GPR176: variants seen among roughly 807,000 people sequenced by gnomAD.
The protein encoded by GPR176 is G-protein coupled receptor 176.
GPR176 carries 26 observed loss-of-function variants against 35.4 expected under a neutral mutation model. The observed-to-expected ratio is 0.74, with a 90% CI of 0.54 to 1.02. The LOEUF (loss-of-function observed/expected upper bound fraction) is 1.02. Ranked by LOEUF, GPR176 falls within the 50% of genes least tolerant of loss-of-function variation. GPR176 has a pLI of 0.00. For synonymous variants in GPR176, 278 were observed against 271.3 expected (o/e 1.02, Z -0.24); for missense variants, 597 against 665.3 (o/e 0.90, Z 1.13).
chr15:39,810,810 A>G (rs577585534), intron 1 of GPR176, among the ~76,000 whole-genome samples: 1 of 152,246 alleles, frequency 6.6e-6, no homozygotes, highest in African/African-American at 2.4e-5. Context: ...AAAGCCTACA[A>G]AGGAACTTTT....
At chr15:39,898,969 G>A (rs778225805) in intron 1 of GPR176, among the ~76,000 whole-genome samples, 1 of 152,076 alleles carries the variant, frequency 6.6e-6, no homozygotes, top group Admixed American at 6.5e-5. Context: ...ATAAGAACTT[G>A]AGAGCACTAC....
At chr15:39,818,639 C>A (rs1249576831) in intron 1 of GPR176, among the ~76,000 whole-genome samples, 2 of 152,166 alleles carry the variant, frequency 1.3e-5, no homozygotes, top group African/African-American at 2.4e-5. Flanking sequence ...AATGGTATCC[C>A]AAAGGGTAAG....
At chr15:39,861,914 T>A (rs2031608795) in intron 1 of GPR176, among the ~76,000 whole-genome samples, 1 of 152,212 alleles carries the variant, frequency 6.6e-6, no homozygotes, top group South Asian at 2.1e-4. Flanking sequence ...CCTGTGCCTT[T>A]TAACAAGATG....
chr15:39,844,768 C>T (rs1380726180), intron 1 of GPR176, among the ~76,000 whole-genome samples: 3 of 152,052 alleles, frequency 2.0e-5, no homozygotes, highest in Non-Finnish European at 1.5e-5. Flanking sequence ...CAACACTGAT[C>T]GTGAACCACT....
chr15:39,851,078 T>G (rs1465142063), intron 1 of GPR176, among the ~76,000 whole-genome samples: 1 of 152,178 alleles, frequency 6.6e-6, no homozygotes, highest in African/African-American at 2.4e-5. Context: ...GTTTCTTACT[T>G]GAACAACTGT....
intron 2 of GPR176, among the ~76,000 whole-genome samples, chr15:39,803,925 T>C (rs1316209349): frequency 6.6e-6 from 1 of 152,158 alleles, no homozygotes; most frequent in African/African-American, 2.4e-5. Context: ...TAAGATATGT[T>C]CTAGATTTCT....
chr15:39,884,185 T>A (rs1442754199), intron 1 of GPR176, among the ~76,000 whole-genome samples: 1 of 152,350 alleles, frequency 6.6e-6, no homozygotes, highest in East Asian at 1.9e-4. Context: ...CTCTGACTTT[T>A]GACATAATAC....
chr15:39,871,915 A>G (rs2032056960), intron 1 of GPR176, among the ~76,000 whole-genome samples: 1 of 152,238 alleles, frequency 6.6e-6, no homozygotes, highest in South Asian at 2.1e-4. Flanking sequence ...GTGACCTAAA[A>G]GCTAAAATGG....
chr15:39,905,037 C>G (rs2033381870), intron 1 of GPR176, among the ~76,000 whole-genome samples: 1 of 152,206 alleles, frequency 6.6e-6, no homozygotes, highest in South Asian at 2.1e-4. Flanking sequence ...CTACAACCAC[C>G]AACCCCAGCC....
chr15:39,878,096 CTG>C (rs58251937), intron 1 of GPR176, among the ~76,000 whole-genome samples: 3,259 of 129,966 alleles, frequency 0.025, 69 homozygotes, highest in East Asian at 0.046. Flanking sequence ...CCATAGTTAC[CTG>C]TGTGTGTGTG....
chr15:39,891,235 T>G (rs952957291), intron 1 of GPR176, among the ~76,000 whole-genome samples: 1 of 152,182 alleles, frequency 6.6e-6, no homozygotes, highest in Non-Finnish European at 1.5e-5. Flanking sequence ...ACAAACCTGT[T>G]TAAAAATAAA....
chr15:39,847,742 CAAAAA>C (rs34896644), intron 1 of GPR176, among the ~76,000 whole-genome samples: 3 of 68,830 alleles, frequency 4.4e-5, no homozygotes, highest in African/African-American at 1.8e-4. Context: ...GACTCTGTCT[CAAAAA>C]AAAAAAAAAA....
intron 1 of GPR176, among the ~76,000 whole-genome samples, chr15:39,828,387 G>A (rs940176165): frequency 2.6e-5 from 4 of 152,226 alleles, no homozygotes; most frequent in Admixed American, 1.3e-4. Context: ...AAGACACTGC[G>A]TGGAGGGGCT....
rs142981634 is a variant in GPR176, at chr15:39,899,140, C to T, written c.172+20715G>A. ...GGAAATGCAGAATCCTGGACTCCAT[C>T]GTAGACCTCCTGGGCATGCTCTACC... is the stretch of plus-strand genomic sequence containing the variant. On this transcript the variant is annotated intron_variant, in intron 1 of 2. Transcript: ENST00000561100. 2.4e-3 allele frequency among the ~76,000 whole-genome samples: 373 copies of T among 152,264 alleles called. 1 individual carries two copies. Among genetic ancestry groups the T allele is most frequent in the African/African-American group, 8.7e-3 (362 of 41,558 alleles).
chr15:39,891,339 C>T (rs932490804), intron 1 of GPR176, among the ~76,000 whole-genome samples: 10 of 152,208 alleles, frequency 6.6e-5, no homozygotes, highest in African/African-American at 2.4e-4. Context: ...TTGACAGGAG[C>T]AACTGCTCAT....
At chr15:39,899,109 T>A (rs770736) in intron 1 of GPR176, among the ~76,000 whole-genome samples, 13,086 of 152,100 alleles carry the variant, frequency 0.086, 952 homozygotes, top group Admixed American at 0.21. Flanking sequence ...CAGCTAGACA[T>A]TTGCAGGAAA....
chr15:39,862,620 C>T (rs1287701465), intron 1 of GPR176, among the ~76,000 whole-genome samples: 1 of 152,160 alleles, frequency 6.6e-6, no homozygotes, highest in Non-Finnish European at 1.5e-5. Flanking sequence ...TGTCTATCAC[C>T]TAGTGGTCTA....
chr15:39,861,733 G>A (rs166702), intron 1 of GPR176, among the ~76,000 whole-genome samples: 83,169 of 151,940 alleles, frequency 0.55, 23,072 homozygotes, highest in East Asian at 0.71. Flanking sequence ...GTTCACATCA[G>A]AGAGACATCA....
intron 1 of GPR176, among the ~76,000 whole-genome samples, chr15:39,842,234 G>A (rs1033251718): frequency 5.3e-5 from 8 of 152,098 alleles, no homozygotes; most frequent in Non-Finnish European, 1.0e-4. Context: ...TTACAAGCAC[G>A]ACAGAAGGCA....
Sources: allele counts gnomAD v4.1 joint callset (sites outside exome capture counted in the v4.1 genomes callset), GRCh38; gene constraint gnomAD v4.1.1; transcripts MANE v1.5; gene names NCBI Gene and HGNC (gene_info 2026-07-23, HGNC 2026-07-21).